The following SMYD3 variants were observed in gnomAD, a reference collection of about 807,000 sequenced individuals.
SMYD3 encodes SET and MYND domain containing 3.
In SMYD3, 36 loss-of-function variants were observed where a neutral mutation model predicts 57.7. That is an observed-to-expected ratio of 0.62 (90% CI 0.48 to 0.82). The LOEUF (loss-of-function observed/expected upper bound fraction) is 0.82, where lower values mean the gene tolerates loss of function less well. SMYD3 is among the 40% of genes least tolerant of loss of function. The probability of loss-of-function intolerance (pLI) is 0.00; values close to 1 mark genes in which losing one functional copy is unlikely to be tolerated. For missense variants in SMYD3, 515 were observed against 538.8 expected (o/e 0.96, Z 0.44); for synonymous variants, 211 against 195.0 (o/e 1.08, Z -0.68).
chr1:246,340,859 C>T (rs888960237), intron 2 of SMYD3, among the ~76,000 whole-genome samples: 2 of 151,984 alleles, frequency 1.3e-5, no homozygotes, highest in African/African-American at 4.8e-5. Flanking sequence ...TATTCCCAGC[C>T]ACACCAGAGG....
intron 5 of SMYD3, among the ~76,000 whole-genome samples, chr1:246,301,398 T>C (rs1002206939): frequency 2.0e-4 from 30 of 151,988 alleles, no homozygotes; most frequent in Admixed American, 1.6e-3. Context: ...AAAAATTCCA[T>C]AGGTGCCCGA....
rs950667513 is a variant in SMYD3 at position 246,198,487 on chromosome 1, T to C, written c.531+128714A>G. On this transcript the variant is annotated intron_variant, in intron 5 of 11. Transcript: ENST00000490107. The stretch of plus-strand genomic sequence containing the variant: ...TGATAAAAAATATCTGAAGACACAT[T>C]CAATAAGAATGACCGGGGTACATAG... Among the ~76,000 whole-genome samples the C allele has an allele frequency of 5.3e-5, 8 of 152,348 alleles. No homozygotes were observed. The East Asian group carries it at 1.5e-3, about 29-fold the overall frequency.
intron 5 of SMYD3, among the ~76,000 whole-genome samples, chr1:246,102,601 G>A (rs1232301330): frequency 6.6e-6 from 1 of 151,894 alleles, no homozygotes; most frequent in African/African-American, 2.4e-5. Context: ...CGGCTAGCAC[G>A]TTCTCATCTC....
intron 5 of SMYD3, among the ~76,000 whole-genome samples, chr1:245,937,829 TCCACCCCCAGCAGTACC>T (rs1380219783): frequency 6.6e-6 from 1 of 152,214 alleles, no homozygotes; most frequent in Admixed American, 6.5e-5. Flanking sequence ...GGTGTGGAAA[TCCACCCCCAGCAGTACC>T]AGGACGCCTC....
At chr1:245,886,608 A>G (rs1033723511) in intron 8 of SMYD3, among the ~76,000 whole-genome samples, 1 of 152,186 alleles carries the variant, frequency 6.6e-6, no homozygotes, top group Admixed American at 6.5e-5. Context: ...ACCCAAAAGC[A>G]TCTCATTCTT....
At chr1:245,917,661 T>C (rs2055539323) in intron 7 of SMYD3, among the ~76,000 whole-genome samples, 1 of 152,204 alleles carries the variant, frequency 6.6e-6, no homozygotes, top group East Asian at 1.9e-4. Context: ...CAATGCCCTA[T>C]TAAGAGTAAC....
chr1:245,950,629 CGTCATAGAATATGCTATCATAT>C (rs2057597354), intron 5 of SMYD3, among the ~76,000 whole-genome samples: 1 of 152,160 alleles, frequency 6.6e-6, no homozygotes, highest in Admixed American at 6.5e-5. Flanking sequence ...CCGAGTCGGT[CGTCATAGAATATGCTATCATAT>C]GTCACTCAAA....
chr1:246,269,543 C>CTTTTTTTT (rs570972296), intron 5 of SMYD3, among the ~76,000 whole-genome samples: 11 of 135,230 alleles, frequency 8.1e-5, no homozygotes, highest in South Asian at 2.5e-4. Flanking sequence ...CTTTTTTTTT[C>CTTTTTTTT]TTTTTTTTTT....
chr1:245,962,688 G>T (rs996719440), intron 5 of SMYD3, among the ~76,000 whole-genome samples: 1 of 125,480 alleles, frequency 8.0e-6, no homozygotes, highest in African/African-American at 2.5e-5. Flanking sequence ...CTTGTGCCAA[G>T]GTTTGACCTC....
intron 10 of SMYD3, among the ~76,000 whole-genome samples, chr1:245,783,227 C>G (rs1259537417): frequency 6.6e-6 from 1 of 152,104 alleles, no homozygotes; most frequent in Non-Finnish European, 1.5e-5. Flanking sequence ...GAAGTACATT[C>G]TACAGTATTC....
intron 5 of SMYD3, among the ~76,000 whole-genome samples, chr1:246,001,891 C>T (rs2059054762): frequency 1.3e-5 from 2 of 152,124 alleles, no homozygotes; most frequent in Non-Finnish European, 2.9e-5. Flanking sequence ...GATCTCTTTC[C>T]TTTGTTCAGA....
intron 5 of SMYD3, among the ~76,000 whole-genome samples, chr1:245,972,355 T>G (rs572238349): frequency 6.6e-6 from 1 of 152,264 alleles, no homozygotes; most frequent in South Asian, 2.1e-4. Flanking sequence ...AACACAGTGT[T>G]CAATGGTATC....
intron 5 of SMYD3, among the ~76,000 whole-genome samples, chr1:246,278,004 AGTTT>A (rs1253731983): frequency 2.6e-5 from 4 of 152,200 alleles, no homozygotes; most frequent in Non-Finnish European, 5.9e-5. Flanking sequence ...ATATACTTAA[AGTTT>A]ATTTAAATAA....
chr1:246,503,867 T>G (rs2068495761), intron 1 of SMYD3, among the ~76,000 whole-genome samples: 1 of 149,792 alleles, frequency 6.7e-6, no homozygotes, highest in Admixed American at 6.7e-5. Context: ...GGCAGGAGAA[T>G]CGCTTGCACC....
rs1307881494 is a variant in SMYD3 at position 246,481,621 on chromosome 1, T to TATATATATATACACAC, written c.164+25432_164+25433insGTGTGTATATATATAT. 1.7e-3 allele frequency among the ~76,000 whole-genome samples: 168 copies of TATATATATATACACAC among 98,508 alleles called. 1 individual carries two copies. Among genetic ancestry groups the TATATATATATACACAC allele is most frequent in the Admixed American group, 3.1e-3 (29 of 9,254 alleles). 64.6% of individuals were successfully genotyped at this position (98,508 alleles called of 152,430 possible). A position where few individuals can be genotyped will look rare whatever the true frequency, so the allele number is the denominator to read the frequency against. On this transcript the variant is annotated intron_variant, in intron 1 of 11. Transcript: ENST00000490107. ...ATATATATATATACACATACATATA[T>TATATATATATACACAC]ACATACATACATACACATATTCATA...
At chr1:245,909,630 C>T (rs902272080) in intron 8 of SMYD3, among the ~76,000 whole-genome samples, 2 of 151,878 alleles carry the variant, frequency 1.3e-5, no homozygotes, top group Non-Finnish European at 2.9e-5. Context: ...CAAGTGGGTT[C>T]ATCTCAGGGA....
At chr1:246,221,132 G>C (rs980004628) in intron 5 of SMYD3, among the ~76,000 whole-genome samples, 9 of 152,030 alleles carry the variant, frequency 5.9e-5, no homozygotes, top group African/African-American at 2.2e-4. Context: ...GGAACAACTA[G>C]CCAAACAGAG....
intron 5 of SMYD3, among the ~76,000 whole-genome samples, chr1:246,117,084 G>A (rs1023012116): frequency 5.9e-5 from 9 of 152,140 alleles, no homozygotes; most frequent in African/African-American, 1.9e-4. Context: ...TGGAAAACAA[G>A]CCCCACTGAA....
intron 5 of SMYD3, among the ~76,000 whole-genome samples, chr1:246,053,740 G>C (rs2060101755): frequency 6.6e-6 from 1 of 151,962 alleles, no homozygotes; most frequent in Non-Finnish European, 1.5e-5. Flanking sequence ...GCTTTAGCCT[G>C]GGAGTTGGAA....
Sources: gnomAD v4.1 joint callset for allele counts (sites outside exome capture counted in the v4.1 genomes callset) on GRCh38, gnomAD v4.1.1 for gene constraint, MANE v1.5 for transcripts, NCBI Gene and HGNC (gene_info 2026-07-23, HGNC 2026-07-21) for gene names.